Variants in IL1RAPL1 observed in about 807,000 individuals in gnomAD.
IL1RAPL1 encodes the protein interleukin-1 receptor accessory protein-like 1.
Under a neutral mutation model 48.4 loss-of-function variants are expected in IL1RAPL1, and 3 were observed. The observed-to-expected ratio is 0.06, with a 90% CI of 0.03 to 0.16. The LOEUF (loss-of-function observed/expected upper bound fraction) is 0.16. Among genes scored for constraint, IL1RAPL1 ranks in the 10% least tolerant of loss-of-function variants. IL1RAPL1 has a pLI of 1.00. For missense variants in IL1RAPL1, 349 were observed against 530.6 expected (o/e 0.66, Z 3.36); for synonymous variants, 185 against 187.7 (o/e 0.99, Z 0.12).
intron 2 of IL1RAPL1, among the ~76,000 whole-genome samples, chrX:28,905,780 T>C (rs1253144395): frequency 9.0e-6 from 1 of 110,683 alleles, no homozygotes; most frequent in Non-Finnish European, 1.9e-5. Flanking sequence ...AATAAGAAAG[T>C]AAAAGATGGT....
chrX:29,911,689 TTAG>T (rs773093989), intron 6 of IL1RAPL1, among the ~76,000 whole-genome samples: 54 of 111,959 alleles, frequency 4.8e-4, no homozygotes, highest in African/African-American at 1.6e-3. Context: ...GAATCATATT[TTAG>T]TAGGAGAATA....
chrX:29,876,127 G>A (rs1931897739), intron 6 of IL1RAPL1, among the ~76,000 whole-genome samples: 1 of 111,664 alleles, frequency 9.0e-6, no homozygotes, highest in African/African-American at 3.3e-5. Flanking sequence ...AAGGAGATCT[G>A]TTGATAGAGT....
chrX:28,914,545 C>T (rs1191936339), intron 2 of IL1RAPL1, among the ~76,000 whole-genome samples: 1 of 111,927 alleles, frequency 8.9e-6, no homozygotes, highest in East Asian at 2.8e-4. Flanking sequence ...TTCAGAATGT[C>T]ACCATCTTAT....
intron 6 of IL1RAPL1, among the ~76,000 whole-genome samples, chrX:29,743,239 T>A (rs1328102739): frequency 9.3e-6 from 1 of 107,623 alleles, no homozygotes; most frequent in Non-Finnish European, 1.9e-5. Flanking sequence ...TTTTTACATA[T>A]AATTATTAAT....
intron 2 of IL1RAPL1, among the ~76,000 whole-genome samples, chrX:28,895,829 G>A (rs954287517): frequency 9.0e-5 from 10 of 111,704 alleles, no homozygotes; most frequent in South Asian, 3.8e-4. Context: ...GTAGGCTTCC[G>A]AGGCAATCAG....
intron 5 of IL1RAPL1, among the ~76,000 whole-genome samples, chrX:29,458,988 A>G (rs1963434238): frequency 8.9e-6 from 1 of 112,201 alleles, no homozygotes; most frequent in Admixed American, 9.5e-5. Context: ...AGCAGTCACA[A>G]ATACTAAGTA....
chrX:29,592,719 C>T (rs1466099625), intron 5 of IL1RAPL1, among the ~76,000 whole-genome samples: 2 of 111,755 alleles, frequency 1.8e-5, no homozygotes, highest in Non-Finnish European at 3.8e-5. Flanking sequence ...CTTTTGTCAT[C>T]GTTTTCAGCT....
At chrX:28,986,176 C>T (rs1264819564) in intron 2 of IL1RAPL1, among the ~76,000 whole-genome samples, 2 of 111,668 alleles carry the variant, frequency 1.8e-5, no homozygotes, top group Non-Finnish European at 3.8e-5. Flanking sequence ...AACTTGCTGA[C>T]ACTACAACAA....
intron 5 of IL1RAPL1, among the ~76,000 whole-genome samples, chrX:29,428,911 A>C (rs1780956790): frequency 8.9e-6 from 1 of 111,876 alleles, no homozygotes; most frequent in African/African-American, 3.3e-5. Flanking sequence ...TTAACTTCCC[A>C]AAATTGAACT....
intron 5 of IL1RAPL1, among the ~76,000 whole-genome samples, chrX:29,412,141 C>T (rs1373033985): frequency 9.0e-6 from 1 of 110,720 alleles, no homozygotes; most frequent in Non-Finnish European, 1.9e-5. Flanking sequence ...CGTGGTGGTC[C>T]GCGCCTGTAG....
rs532479044 is a variant in IL1RAPL1, at chrX:28,736,261, G to A, written c.-24-53059G>A. On this transcript the variant is annotated intron_variant, in intron 1 of 10. Coordinates refer to ENST00000378993, the MANE Select transcript of IL1RAPL1 (RefSeq NM_014271.4). ...AGCCTGGCCAACATAGTGAAACCCC[G>A]TCTCTACTAAAAAATACAAAAAATA... is the stretch of plus-strand genomic sequence containing the variant. 1.1e-4 allele frequency among the ~76,000 whole-genome samples: 12 copies of A among 109,778 alleles called. No homozygotes were observed. The South Asian group carries it at 3.2e-3, about 29-fold the overall frequency.
At chrX:29,536,466 C>A (rs1050010729) in intron 5 of IL1RAPL1, among the ~76,000 whole-genome samples, 2 of 107,695 alleles carry the variant, frequency 1.9e-5, no homozygotes, top group Non-Finnish European at 3.8e-5. Flanking sequence ...AGGTTTGATG[C>A]TTATCTTTGC....
At chrX:28,694,287 C>T (rs1442176360) in intron 1 of IL1RAPL1, among the ~76,000 whole-genome samples, 5 of 111,975 alleles carry the variant, frequency 4.5e-5, no homozygotes. Context: ...CCTAAATAAA[C>T]CTGGGGAGCT....
At chrX:28,705,391 C>T (rs1416320583) in intron 1 of IL1RAPL1, among the ~76,000 whole-genome samples, 5 of 111,503 alleles carry the variant, frequency 4.5e-5, no homozygotes, top group Non-Finnish European at 9.4e-5. Context: ...TTCATAAATC[C>T]CCTTCAAAAT....
Position 29,703,634 on chromosome X carries a change from C to T in IL1RAPL1, c.778+35130C>T, listed in dbSNP as rs368723383. Among the ~76,000 whole-genome samples the T allele has an allele frequency of 2.4e-4, 27 of 111,823 alleles. No homozygotes were observed. In the South Asian group the frequency reaches 2.6e-3, roughly 11 times the overall value. The stretch of plus-strand genomic sequence containing the variant: ...CTGGGATTACAGGCGTGAGCCACCG[C>T]GCCCAGAATATATATTTTAATACTA... On this transcript the variant is annotated intron_variant, in intron 6 of 10. Coordinates refer to ENST00000378993, the MANE Select transcript of IL1RAPL1 (RefSeq NM_014271.4).
At chrX:29,109,383 C>T (rs1928515805) in intron 2 of IL1RAPL1, among the ~76,000 whole-genome samples, 1 of 108,628 alleles carries the variant, frequency 9.2e-6, no homozygotes, top group African/African-American at 3.4e-5. Flanking sequence ...TGACTCAAAC[C>T]ATCCAAACAC....
At chrX:28,837,159 A>G (rs903446280) in intron 2 of IL1RAPL1, among the ~76,000 whole-genome samples, 3 of 111,556 alleles carry the variant, frequency 2.7e-5, no homozygotes, top group Admixed American at 1.9e-4. Flanking sequence ...TAATATAGGC[A>G]TTACCTCACA....
At chrX:29,500,256 C>T (rs1935258144) in intron 5 of IL1RAPL1, among the ~76,000 whole-genome samples, 1 of 112,421 alleles carries the variant, frequency 8.9e-6, no homozygotes, top group Non-Finnish European at 1.9e-5. Flanking sequence ...GTTGGGATTA[C>T]AGGCGTGAGC....
At position 29,834,493 on chromosome X, in the gene IL1RAPL1, T is replaced by C. The variant is rs1860310; in HGVS notation, c.779-82971T>C. ...CCAAGAGGCTGTGAAAGAAAAAGGA[T>C]TTTTTTTTTTTTTTTTTTTTTGGAA... On this transcript the variant is annotated intron_variant, in intron 6 of 10. Coordinates refer to ENST00000378993, the MANE Select transcript of IL1RAPL1 (RefSeq NM_014271.4). 1.7e-3 allele frequency among the ~76,000 whole-genome samples: 113 copies of C among 65,725 alleles called. No homozygotes were observed. In the Middle Eastern group the frequency reaches 0.021, roughly 12 times the overall value. 57.1% of individuals were successfully genotyped at this position (65,725 alleles called of 115,157 possible). A position where few individuals can be genotyped will look rare whatever the true frequency, so the allele number is the denominator to read the frequency against.
Sources: gnomAD v4.1 joint callset for allele counts (sites outside exome capture counted in the v4.1 genomes callset) on GRCh38, gnomAD v4.1.1 for gene constraint, MANE v1.5 for transcripts, NCBI Gene and HGNC (gene_info 2026-07-23, HGNC 2026-07-21) for gene names.